ADCY2: variants seen among roughly 807,000 people sequenced by gnomAD.
The protein encoded by ADCY2 is adenylate cyclase 2.
In ADCY2, 31 loss-of-function variants were observed where a neutral mutation model predicts 125.2. That is an observed-to-expected ratio of 0.25 (90% CI 0.19 to 0.33). The LOEUF (loss-of-function observed/expected upper bound fraction) is 0.33, where lower values mean the gene tolerates loss of function less well. ADCY2 is among the 10% of genes least tolerant of loss of function. The pLI is 1.00. For missense variants in ADCY2, 904 were observed against 1,418.2 expected (o/e 0.64, Z 5.82); for synonymous variants, 512 against 548.4 (o/e 0.93, Z 0.93).
intron 15 of ADCY2, among the ~76,000 whole-genome samples, chr5:7,753,812 A>G (rs1159778416): frequency 2.0e-5 from 3 of 152,102 alleles, no homozygotes. Context: ...TGTCATTGCA[A>G]CTGTCACCTC....
chr5:7,475,834 G>T (rs1040912439), intron 2 of ADCY2, among the ~76,000 whole-genome samples: 2 of 152,210 alleles, frequency 1.3e-5, no homozygotes, highest in African/African-American at 4.8e-5. Context: ...GTTCGAGGGA[G>T]AAAGCTTCAG....
chr5:7,640,156 A>C (rs561749354), intron 4 of ADCY2, among the ~76,000 whole-genome samples: 30 of 152,332 alleles, frequency 2.0e-4, no homozygotes, highest in Admixed American at 1.9e-3. Context: ...TTTGACATTG[A>C]TAAGTACAGT....
At chr5:7,738,924 A>G (rs1486894752) in intron 14 of ADCY2, among the ~76,000 whole-genome samples, 5 of 151,956 alleles carry the variant, frequency 3.3e-5, no homozygotes, top group Non-Finnish European at 5.9e-5. Context: ...CATCTTATGC[A>G]TATCTGACAA....
intron 2 of ADCY2, among the ~76,000 whole-genome samples, chr5:7,429,202 G>C (rs1740501003): frequency 3.9e-5 from 6 of 152,188 alleles, no homozygotes; most frequent in Admixed American, 3.9e-4. Context: ...CAGTGAGAAG[G>C]GGACATTGCC....
rs1372593971 is a variant in ADCY2 at position 7,766,759 on chromosome 5, A to G, written c.2167A>G (p.Asn723Asp). 6.2e-7 allele frequency: 1 copy of G among 1,612,738 alleles called. No individual in the cohort carries two copies. The change falls in exon 17 of 25, where the codon AAT becomes GAT. Residue 723 changes from asparagine to aspartate, a missense_variant. Transcript: ENST00000338316. ...NTTNTSFSASNNQVAILRAQN... is the reference protein window; with the variant it reads ...NTTNTSFSASDNQVAILRAQN... ...AACAAACACAAGCTTTTCAGCCTCA[A>G]ATAATCAGGTGGCGATTCTGCGTGC...
In ADCY2 at chr5:7,415,125, T is replaced by C. The variant is rs138333689; in HGVS notation, c.408+355T>C. 2.4e-3 allele frequency among the ~76,000 whole-genome samples: 365 copies of C among 152,332 alleles called. 1 individual carries two copies. Among genetic ancestry groups the C allele is most frequent in the African/African-American group, 8.7e-3 (361 of 41,570 alleles). On this transcript the variant is annotated intron_variant, in intron 2 of 24. Coordinates refer to ENST00000338316, the MANE Select transcript of ADCY2 (RefSeq NM_020546.3). The stretch of plus-strand genomic sequence containing the variant: ...ATGCAACATGTCACTTCCATAGTTT[T>C]TTGGTGAGAAGCTTTAAAATCTACT...
chr5:7,404,236 A>G (rs1739384132), intron 1 of ADCY2, among the ~76,000 whole-genome samples: 2 of 151,976 alleles, frequency 1.3e-5, no homozygotes, highest in African/African-American at 4.8e-5. Context: ...TATTGTTTTT[A>G]TATGCCTTCA....
At chr5:7,427,804 T>A (rs1740441390) in intron 2 of ADCY2, among the ~76,000 whole-genome samples, 1 of 152,204 alleles carries the variant, frequency 6.6e-6, no homozygotes, top group Admixed American at 6.5e-5. Context: ...GGAACTCAGA[T>A]ATGGGAATCA....
intron 2 of ADCY2, among the ~76,000 whole-genome samples, chr5:7,442,503 G>A (rs78427841): frequency 6.6e-6 from 1 of 152,130 alleles, no homozygotes; most frequent in Non-Finnish European, 1.5e-5. Context: ...CCCTGGTTGT[G>A]ATCAGGAGAG....
intron 3 of ADCY2, among the ~76,000 whole-genome samples, chr5:7,579,401 G>A (rs1042200168): frequency 1.1e-4 from 17 of 152,066 alleles, no homozygotes; most frequent in Non-Finnish European, 2.1e-4. Flanking sequence ...CTAAATATGA[G>A]GGAAAACCCT....
rs551729365 is a variant in ADCY2, at chr5:7,697,403, G to C, written c.982-844G>C. On this transcript the variant is annotated intron_variant, in intron 6 of 24. Coordinates refer to ENST00000338316, the MANE Select transcript of ADCY2 (RefSeq NM_020546.3). Reference sequence around the variant, plus strand: ...AGTTCATGGCTCACAGTTCAATAACGGGGGGTTATTGTCAGCAAACAGATA... The same window carrying C: ...AGTTCATGGCTCACAGTTCAATAACCGGGGGTTATTGTCAGCAAACAGATA... Among the ~76,000 whole-genome samples the C allele has an allele frequency of 3.5e-4, 53 of 152,130 alleles. 1 individual carries two copies. The highest frequency in any genetic ancestry group is 1.2e-3 in the African/African-American group (51 of 41,498).
chr5:7,435,562 G>A (rs1740766986), intron 2 of ADCY2, among the ~76,000 whole-genome samples: 1 of 152,170 alleles, frequency 6.6e-6, no homozygotes, highest in African/African-American at 2.4e-5. Flanking sequence ...TTAATTACAT[G>A]AACATACTTT....
intron 4 of ADCY2, among the ~76,000 whole-genome samples, chr5:7,628,768 G>A (rs190640345): frequency 6.6e-6 from 1 of 150,952 alleles, no homozygotes; most frequent in Non-Finnish European, 1.5e-5. Context: ...AGATGTGTTT[G>A]TACTTTTCTC....
At chr5:7,551,571 G>T (rs73739842) in intron 3 of ADCY2, among the ~76,000 whole-genome samples, 8,171 of 152,190 alleles carry the variant, frequency 0.054, 281 homozygotes, top group Middle Eastern at 0.11. Flanking sequence ...TTATCTATGT[G>T]TTCTTTTACT....
At chr5:7,571,883 T>C (rs750620419) in intron 3 of ADCY2, among the ~76,000 whole-genome samples, 2 of 152,188 alleles carry the variant, frequency 1.3e-5, no homozygotes, top group African/African-American at 4.8e-5. Context: ...AGTGAGAACA[T>C]GCAGTATTCA....
intron 3 of ADCY2, among the ~76,000 whole-genome samples, chr5:7,571,763 A>AT (rs1254690211): frequency 1.3e-5 from 2 of 151,918 alleles, no homozygotes; most frequent in South Asian, 2.1e-4. Flanking sequence ...AGTACCTATT[A>AT]TTTTTCCTGA....
chr5:7,501,133 A>T (rs546315477), intron 2 of ADCY2, among the ~76,000 whole-genome samples: 1,910 of 96,958 alleles, frequency 0.02, 19 homozygotes, highest in Non-Finnish European at 0.027. Flanking sequence ...CTTTTTTTTA[A>T]AAAAAAAAAA....
At chr5:7,822,888 ATGG>A (rs1745347061) in intron 24 of ADCY2, among the ~76,000 whole-genome samples, 1 of 152,240 alleles carries the variant, frequency 6.6e-6, no homozygotes, top group South Asian at 2.1e-4. Flanking sequence ...TAGATTTATC[ATGG>A]TGGTCCTCTG....
At chr5:7,570,815 A>G (rs1449372929) in intron 3 of ADCY2, among the ~76,000 whole-genome samples, 3 of 152,158 alleles carry the variant, frequency 2.0e-5, no homozygotes, top group Non-Finnish European at 2.9e-5. Context: ...CATGGGAGTA[A>G]AACTCTGATG....
Sources: gnomAD v4.1 joint callset for allele counts (sites outside exome capture counted in the v4.1 genomes callset) on GRCh38, gnomAD v4.1.1 for gene constraint, MANE v1.5 for transcripts, NCBI Gene and HGNC (gene_info 2026-07-23, HGNC 2026-07-21) for gene names.